Variants in CDH12 observed in about 807,000 individuals in gnomAD.
CDH12 encodes cadherin-12.
In CDH12, 41 loss-of-function variants were observed where a neutral mutation model predicts 74.1. The ratio of observed to expected loss-of-function variants is 0.55; its 90% CI spans 0.43 to 0.72. The LOEUF is 0.72. CDH12 is among the 30% of genes least tolerant of loss of function. The probability of loss-of-function intolerance (pLI) is 0.00; values close to 1 mark genes in which losing one functional copy is unlikely to be tolerated. For synonymous variants in CDH12, 399 were observed against 355.0 expected, an observed-to-expected ratio of 1.12 and a Z score of -1.39; for missense variants, 945 against 977.2, an observed-to-expected ratio of 0.97 and a Z score of 0.44.
chr5:21,822,926 CA>C (rs1436120817), intron 8 of CDH12, among the ~76,000 whole-genome samples: 1 of 152,014 alleles, frequency 6.6e-6, no homozygotes, highest in East Asian at 1.9e-4. Flanking sequence ...TAGTTCTGAG[CA>C]GCTAAACGCA....
chr5:22,739,449 T>G (rs1179786310), intron 1 of CDH12, among the ~76,000 whole-genome samples: 1 of 152,080 alleles, frequency 6.6e-6, no homozygotes, highest in Non-Finnish European at 1.5e-5. Context: ...TATCATCTTA[T>G]AAGTAAATAT....
At chr5:22,334,147 G>C (rs1162906446) in intron 3 of CDH12, among the ~76,000 whole-genome samples, 5 of 151,956 alleles carry the variant, frequency 3.3e-5, no homozygotes, top group East Asian at 3.9e-4. Context: ...ACAAGAGAAA[G>C]AAATAAAGGG....
At chr5:21,790,813 A>T (rs1374087397) in intron 10 of CDH12, among the ~76,000 whole-genome samples, 1 of 151,892 alleles carries the variant, frequency 6.6e-6, no homozygotes, top group African/African-American at 2.4e-5. Context: ...ACATTTTCTT[A>T]TCTGGCATCA....
intron 1 of CDH12, among the ~76,000 whole-genome samples, chr5:22,628,243 T>C: frequency 6.6e-6 from 1 of 152,068 alleles, no homozygotes. Flanking sequence ...CACTTGACCA[T>C]ATAGACCTAA....
At chr5:22,447,225 G>A (rs2126553958) in intron 2 of CDH12, among the ~76,000 whole-genome samples, 2 of 152,008 alleles carry the variant, frequency 1.3e-5, no homozygotes, top group South Asian at 4.1e-4. Context: ...CTACTTCATT[G>A]TATTCAATTT....
chr5:22,712,630 C>T (rs1743346786), intron 1 of CDH12, among the ~76,000 whole-genome samples: 1 of 152,072 alleles, frequency 6.6e-6, no homozygotes, highest in South Asian at 2.1e-4. Flanking sequence ...AGACATTGTT[C>T]TGAAAGCTTA....
chr5:22,679,871 T>G (rs935763231), intron 1 of CDH12, among the ~76,000 whole-genome samples: 1 of 152,112 alleles, frequency 6.6e-6, no homozygotes, highest in African/African-American at 2.4e-5. Context: ...GTTAAACTGT[T>G]TACACTTAAA....
chr5:22,058,539 AT>A (rs1363604905), intron 5 of CDH12, among the ~76,000 whole-genome samples: 7 of 151,940 alleles, frequency 4.6e-5, no homozygotes, highest in Non-Finnish European at 8.8e-5. Flanking sequence ...GATCTAGTGT[AT>A]TTTTGTATAT....
chr5:22,035,690 CTTCT>C (rs993874436), intron 5 of CDH12, among the ~76,000 whole-genome samples: 3 of 145,376 alleles, frequency 2.1e-5, no homozygotes, highest in Non-Finnish European at 4.5e-5. Context: ...AGGTTTACTT[CTTCT>C]TTTTTTACAC....
intron 5 of CDH12, among the ~76,000 whole-genome samples, chr5:22,020,929 T>C (rs893227649): frequency 2.0e-5 from 3 of 151,992 alleles, no homozygotes; most frequent in Non-Finnish European, 2.9e-5. Context: ...AATCTTAACA[T>C]TTCTAATTGG....
chr5:21,847,916 G>A (rs1750264681), intron 7 of CDH12, among the ~76,000 whole-genome samples: 1 of 152,062 alleles, frequency 6.6e-6, no homozygotes, highest in South Asian at 2.1e-4. Context: ...GTATGTTGCT[G>A]AAGGCAGGGA....
At chr5:21,789,953 A>G (rs1746399677) in intron 10 of CDH12, among the ~76,000 whole-genome samples, 1 of 152,076 alleles carries the variant, frequency 6.6e-6, no homozygotes, top group Non-Finnish European at 1.5e-5. Context: ...CACAGATCCT[A>G]TTCTTCCTGC....
chr5:22,064,115 C>T (rs1248938604), intron 5 of CDH12, among the ~76,000 whole-genome samples: 1 of 151,978 alleles, frequency 6.6e-6, no homozygotes, highest in Non-Finnish European at 1.5e-5. Flanking sequence ...ATACAGTCAT[C>T]CTTCTGTATT....
chr5:22,635,656 CT>C (rs1738801535), intron 1 of CDH12, among the ~76,000 whole-genome samples: 1 of 152,168 alleles, frequency 6.6e-6, no homozygotes, highest in Non-Finnish European at 1.5e-5. Flanking sequence ...TGGCTCAAGC[CT>C]GTAATACCAG....
chr5:21,871,531 G>A (rs181460776), intron 6 of CDH12, among the ~76,000 whole-genome samples: 27 of 152,062 alleles, frequency 1.8e-4, no homozygotes, highest in Non-Finnish European at 3.8e-4. Context: ...TCAAAAGTTC[G>A]CGACCAGCCT....
intron 4 of CDH12, among the ~76,000 whole-genome samples, chr5:22,154,390 C>T (rs898555385): frequency 1.3e-5 from 2 of 148,682 alleles, no homozygotes; most frequent in African/African-American, 4.9e-5. Flanking sequence ...CTCTCCATTT[C>T]CCCTAACCCC....
At position 22,696,686 on chromosome 5, in the gene CDH12, T is replaced by C. The variant is rs145339184; in HGVS notation, c.-523+156372A>G. Reference sequence around the variant, plus strand: ...AGAAAATAAGCTTCCTTTTAAGGTGTAGCTTTCTAGCAGCTAGAATGGCTT... The same window carrying C: ...AGAAAATAAGCTTCCTTTTAAGGTGCAGCTTTCTAGCAGCTAGAATGGCTT... On this transcript the variant is annotated intron_variant, in intron 1 of 14. Transcript: ENST00000382254. Among the ~76,000 whole-genome samples the C allele has an allele frequency of 2.5e-3, 387 of 152,328 alleles. 1 individual carries two copies. The highest frequency in any genetic ancestry group is 8.9e-3 in the African/African-American group (370 of 41,586).
chr5:22,020,718 C>T (rs1040418873), intron 5 of CDH12, among the ~76,000 whole-genome samples: 1 of 151,702 alleles, frequency 6.6e-6, no homozygotes, highest in African/African-American at 2.4e-5. Flanking sequence ...TCTCCCTCTT[C>T]TGAGAGGCCA....
At chr5:21,857,112 T>A (rs1750793378) in intron 6 of CDH12, among the ~76,000 whole-genome samples, 1 of 151,744 alleles carries the variant, frequency 6.6e-6, no homozygotes, top group Non-Finnish European at 1.5e-5. Flanking sequence ...AGCATGCAAA[T>A]CTCCGAGGAC....
Sources: gnomAD v4.1 joint callset for allele counts (sites outside exome capture counted in the v4.1 genomes callset) on GRCh38, gnomAD v4.1.1 for gene constraint, MANE v1.5 for transcripts, NCBI Gene and HGNC (gene_info 2026-07-23, HGNC 2026-07-21) for gene names.